CAPZB: variants seen among roughly 807,000 people sequenced by gnomAD.
CAPZB encodes the protein capping actin protein of muscle Z-line subunit beta.
A neutral mutation model predicts 38.1 loss-of-function variants in CAPZB; 2 were observed. The observed-to-expected ratio is 0.05, with a 90% CI of 0.02 to 0.17. CAPZB has a LOEUF of 0.17. CAPZB is among the 10% of genes least tolerant of loss of function. The pLI, the probability that CAPZB is intolerant of heterozygous loss-of-function variation, is 1.00. For synonymous variants in CAPZB, 107 were observed against 127.4 expected, an observed-to-expected ratio of 0.84 and a Z score of 1.08; for missense variants, 161 against 334.2, an observed-to-expected ratio of 0.48 and a Z score of 4.04.
At chr1:19,340,003 C>A (rs988402105) in intron 8 of CAPZB, among the ~76,000 whole-genome samples, 4 of 152,246 alleles carry the variant, frequency 2.6e-5, no homozygotes, top group Non-Finnish European at 4.4e-5. Flanking sequence ...AACAAAGCCC[C>A]TCTGCTTCAG....
At chr1:19,386,275 C>T (rs183240061) in intron 2 of CAPZB, among the ~76,000 whole-genome samples, 1 of 152,330 alleles carries the variant, frequency 6.6e-6, no homozygotes, top group African/African-American at 2.4e-5. Flanking sequence ...GACTCAAACT[C>T]TGGGCCAATG....
At chr1:19,422,453 G>C (rs976257337) in intron 1 of CAPZB, among the ~76,000 whole-genome samples, 5 of 152,254 alleles carry the variant, frequency 3.3e-5, no homozygotes, top group Middle Eastern at 3.4e-3. Context: ...GCAGGCAAAC[G>C]TTTTATATAT....
intron 1 of CAPZB, among the ~76,000 whole-genome samples, chr1:19,421,310 C>T (rs2094400206): frequency 6.6e-6 from 1 of 152,130 alleles, no homozygotes. Flanking sequence ...TCACCAGAGA[C>T]ATAACACATT....
intron 3 of CAPZB, among the ~76,000 whole-genome samples, chr1:19,384,403 C>T (rs1481368940): frequency 1.3e-5 from 2 of 152,224 alleles, no homozygotes; most frequent in East Asian, 1.9e-4. Flanking sequence ...CCTGCCTGCC[C>T]GTCCTCTCCC....
intron 1 of CAPZB, among the ~76,000 whole-genome samples, chr1:19,436,595 T>C (rs1159139475): frequency 6.6e-6 from 1 of 152,196 alleles, no homozygotes; most frequent in Admixed American, 6.5e-5. Flanking sequence ...CACACCTCAA[T>C]GCAAAGCATA....
intron 2 of CAPZB, among the ~76,000 whole-genome samples, chr1:19,397,274 A>G (rs560517204): frequency 6.6e-6 from 1 of 152,380 alleles, no homozygotes; most frequent in East Asian, 1.9e-4. Flanking sequence ...GAATAACAGC[A>G]AAGATGTTTA....
At chr1:19,398,260 C>T (rs1292045384) in intron 2 of CAPZB, among the ~76,000 whole-genome samples, 6 of 144,028 alleles carry the variant, frequency 4.2e-5, no homozygotes, top group Non-Finnish European at 6.2e-5. Context: ...ATGAGCCAGG[C>T]GAGGTGCTGA....
intron 4 of CAPZB, among the ~76,000 whole-genome samples, chr1:19,365,849 AAAAAG>A (rs1211041109): frequency 1.3e-5 from 2 of 152,018 alleles, no homozygotes; most frequent in African/African-American, 4.8e-5. Flanking sequence ...AGAAAAAAAG[AAAAAG>A]AAAAGATGGA....
intron 2 of CAPZB, among the ~76,000 whole-genome samples, chr1:19,386,071 G>A (rs2094202478): frequency 6.6e-6 from 1 of 152,204 alleles, no homozygotes; most frequent in African/African-American, 2.4e-5. Flanking sequence ...CTCCTATGCT[G>A]GGTGGAGTCT....
intron 2 of CAPZB, among the ~76,000 whole-genome samples, chr1:19,395,324 C>T (rs2094260981): frequency 6.6e-6 from 1 of 152,128 alleles, no homozygotes; most frequent in African/African-American, 2.4e-5. Flanking sequence ...TTCCACATGC[C>T]ATTAACAACA....
chr1:19,403,222 C>T (rs1466719835), intron 2 of CAPZB, among the ~76,000 whole-genome samples: 1 of 152,174 alleles, frequency 6.6e-6, no homozygotes, highest in Non-Finnish European at 1.5e-5. Flanking sequence ...CATGCACTCA[C>T]TGAATGTCCG....
At chr1:19,473,128 T>C (rs769307878) in intron 1 of CAPZB, among the ~76,000 whole-genome samples, 30 of 152,066 alleles carry the variant, frequency 2.0e-4, no homozygotes, top group Non-Finnish European at 3.2e-4. Flanking sequence ...CTAAAGAACA[T>C]CTGTTGCAAT....
At chr1:19,373,388 A>G (rs1268026295) in intron 4 of CAPZB, among the ~76,000 whole-genome samples, 1 of 152,232 alleles carries the variant, frequency 6.6e-6, no homozygotes, top group South Asian at 2.1e-4. Flanking sequence ...GCCCAGCTCC[A>G]TCATTCTGAC....
chr1:19,441,974 A>C (rs1237325184), intron 1 of CAPZB, among the ~76,000 whole-genome samples: 1 of 133,964 alleles, frequency 7.5e-6, no homozygotes, highest in East Asian at 2.2e-4. Flanking sequence ...GTGCCACTGC[A>C]CTCCAGCCTG....
intron 6 of CAPZB, among the ~76,000 whole-genome samples, chr1:19,346,990 T>TTTTGTA (rs1296810401): frequency 3.3e-5 from 5 of 151,052 alleles, no homozygotes; most frequent in African/African-American, 4.9e-5. Flanking sequence ...CGTCCGGCTT[T>TTTTGTA]TTTTTATTTT....
chr1:19,425,358 A>C (rs907967527), intron 1 of CAPZB, among the ~76,000 whole-genome samples: 1 of 151,874 alleles, frequency 6.6e-6, no homozygotes, highest in African/African-American at 2.4e-5. Flanking sequence ...AGTGTTTCCT[A>C]GGTAACAAGC....
intron 2 of CAPZB, among the ~76,000 whole-genome samples, chr1:19,395,876 CCAGCCAGCCGG>C (rs1333827583): frequency 6.6e-6 from 1 of 152,210 alleles, no homozygotes; most frequent in Non-Finnish European, 1.5e-5. Flanking sequence ...CTGCAGCCGG[CCAGCCAGCCGG>C]CAGGAGAAGC....
chr1:19,367,208 C>G (rs1366694852), intron 4 of CAPZB, among the ~76,000 whole-genome samples: 1 of 152,264 alleles, frequency 6.6e-6, no homozygotes, highest in African/African-American at 2.4e-5. Context: ...CTTCCTTACA[C>G]TGGTTATACC....
chr1:19,377,060 T>C (rs2094148225), intron 4 of CAPZB, among the ~76,000 whole-genome samples: 1 of 152,252 alleles, frequency 6.6e-6, no homozygotes, highest in East Asian at 1.9e-4. Flanking sequence ...ATCGTTATTT[T>C]ATTACCAGTA....
Sources: gnomAD v4.1 joint callset for allele counts (sites outside exome capture counted in the v4.1 genomes callset) on GRCh38, gnomAD v4.1.1 for gene constraint, MANE v1.5 for transcripts, NCBI Gene and HGNC (gene_info 2026-07-23, HGNC 2026-07-21) for gene names.